MAGI2: variants seen among roughly 807,000 people sequenced by gnomAD.
MAGI2 encodes the protein membrane-associated guanylate kinase, WW and PDZ domain-containing protein 2.
A neutral mutation model predicts 133.3 loss-of-function variants in MAGI2; 35 were observed. The ratio of observed to expected loss-of-function variants is 0.26; its 90% CI spans 0.20 to 0.35. The LOEUF (loss-of-function observed/expected upper bound fraction) is 0.35. MAGI2 is among the 10% of genes least tolerant of loss of function. MAGI2 has a pLI of 1.00. For missense variants in MAGI2, 1,636 were observed against 1,863.4 expected (o/e 0.88, Z 2.25); for synonymous variants, 729 against 710.6 (o/e 1.03, Z -0.41).
intron 21 of MAGI2, among the ~76,000 whole-genome samples, chr7:78,069,049 A>G (rs1814160844): frequency 6.6e-6 from 1 of 152,158 alleles, no homozygotes; most frequent in Non-Finnish European, 1.5e-5. Flanking sequence ...TAATGAGGAG[A>G]GCTCAGATTG....
chr7:79,346,653 A>G (rs1301999521), intron 1 of MAGI2, among the ~76,000 whole-genome samples: 1 of 151,828 alleles, frequency 6.6e-6, no homozygotes, highest in Non-Finnish European at 1.5e-5. Flanking sequence ...TTCTGGTAGT[A>G]TATTTATCTT....
intron 2 of MAGI2, among the ~76,000 whole-genome samples, chr7:78,937,618 C>A (rs966959965): frequency 6.6e-6 from 1 of 152,014 alleles, no homozygotes; most frequent in Non-Finnish European, 1.5e-5. Flanking sequence ...AAGTAGAGAT[C>A]AATGCAACGA....
At chr7:78,404,551 A>G (rs1562950996) in intron 6 of MAGI2, among the ~76,000 whole-genome samples, 1 of 152,126 alleles carries the variant, frequency 6.6e-6, no homozygotes, top group Non-Finnish European at 1.5e-5. Flanking sequence ...CAAACCTGAC[A>G]AAAAGAAGAA....
At chr7:78,224,461 T>C (rs1377407398) in intron 10 of MAGI2, among the ~76,000 whole-genome samples, 1 of 151,738 alleles carries the variant, frequency 6.6e-6, no homozygotes, top group East Asian at 1.9e-4. Context: ...AGGTCAGGAG[T>C]TTGAGACTAG....
rs150533911 is a variant in MAGI2, at chr7:78,295,457, G to C, written c.1409-38876C>G. ...CTCATAACCTCTATTAAGTTTAAAA[G>C]AATCTCTCACATGACCTCTGAGGGT... is the stretch of plus-strand genomic sequence containing the variant. On this transcript the variant is annotated intron_variant, in intron 9 of 21. Coordinates refer to ENST00000354212, the MANE Select transcript of MAGI2 (RefSeq NM_012301.4). 6.3e-4 allele frequency among the ~76,000 whole-genome samples: 96 copies of C among 152,244 alleles called. 1 individual carries two copies. In the East Asian group the frequency reaches 0.017, roughly 27 times the overall value.
chr7:79,135,818 G>A (rs1305698890), intron 1 of MAGI2, among the ~76,000 whole-genome samples: 1 of 151,580 alleles, frequency 6.6e-6, no homozygotes, highest in African/African-American at 2.4e-5. Context: ...GCATACTCCT[G>A]TAGTCCCAAC....
At chr7:79,120,139 A>G (rs901363637) in intron 1 of MAGI2, among the ~76,000 whole-genome samples, 10 of 152,226 alleles carry the variant, frequency 6.6e-5, no homozygotes, top group African/African-American at 2.4e-4. Flanking sequence ...TGGAGAAGAT[A>G]TTTAACTTGT....
At chr7:78,937,256 A>G (rs1463544662) in intron 2 of MAGI2, among the ~76,000 whole-genome samples, 2 of 152,126 alleles carry the variant, frequency 1.3e-5, no homozygotes, top group African/African-American at 4.8e-5. Flanking sequence ...ATGAGTTATA[A>G]ACCATTGAAA....
chr7:79,321,335 CT>C (rs1839164221), intron 1 of MAGI2, among the ~76,000 whole-genome samples: 1 of 152,052 alleles, frequency 6.6e-6, no homozygotes, highest in Non-Finnish European at 1.5e-5. Context: ...AATTTATTAA[CT>C]TTTTTTAGTG....
At chr7:78,728,564 TTTTTTTTTTTTTTTTTTTTGA>T in intron 2 of MAGI2, among the ~76,000 whole-genome samples, 1 of 81,084 alleles carries the variant, frequency 1.2e-5, no homozygotes, top group African/African-American at 5.3e-5. Context: ...TTTTTTTTTT[TTTTTTTTTTTTTTTTTTTTGA>T]GACGGAGTCT....
intron 2 of MAGI2, among the ~76,000 whole-genome samples, chr7:78,804,158 C>G (rs1199184810): frequency 1.3e-5 from 2 of 152,152 alleles, no homozygotes; most frequent in Non-Finnish European, 2.9e-5. Context: ...CAGACAAGTA[C>G]TACGTTTTCC....
intron 9 of MAGI2, among the ~76,000 whole-genome samples, chr7:78,312,647 T>C (rs561833718): frequency 2.8e-4 from 42 of 152,170 alleles, no homozygotes; most frequent in African/African-American, 9.4e-4. Context: ...AATGCAAATG[T>C]TGGTGAAGAC....
chr7:78,757,305 T>TTCTCTCTCTC lies in MAGI2; in HGVS notation c.419-130076_419-130067dup, dbSNP rs3086250. ...TCCCTCCCTCCCTCCTTCTCCCTCC[T>TTCTCTCTCTC]TCTCTCTCTCTCTCTCTCTCTCCAT... is the stretch of plus-strand genomic sequence containing the variant. On this transcript the variant is annotated intron_variant, in intron 2 of 21. Coordinates refer to ENST00000354212, the MANE Select transcript of MAGI2 (RefSeq NM_012301.4). Among the ~76,000 whole-genome samples the TTCTCTCTCTC allele has an allele frequency of 8.6e-4, 125 of 145,386 alleles. 1 individual carries two copies. Among genetic ancestry groups the TTCTCTCTCTC allele is most frequent in the Admixed American group, 2.0e-3 (29 of 14,536 alleles).
At chr7:78,619,670 A>G (rs983611145) in intron 3 of MAGI2, among the ~76,000 whole-genome samples, 2 of 151,978 alleles carry the variant, frequency 1.3e-5, no homozygotes, top group African/African-American at 4.8e-5. Context: ...ATTGTACTTC[A>G]TTATAGAAGA....
intron 6 of MAGI2, among the ~76,000 whole-genome samples, chr7:78,437,211 G>A (rs748023318): frequency 2.0e-4 from 31 of 152,132 alleles, no homozygotes; most frequent in Non-Finnish European, 4.3e-4. Flanking sequence ...CATCATGGCT[G>A]CCATTCACAG....
intron 1 of MAGI2, among the ~76,000 whole-genome samples, chr7:79,031,897 T>C (rs985850277): frequency 8.5e-5 from 13 of 152,112 alleles, no homozygotes; most frequent in Non-Finnish European, 1.9e-4. Flanking sequence ...AATCATCAAA[T>C]AGAAAATAAG....
At chr7:78,450,076 A>T (rs186188047) in intron 6 of MAGI2, among the ~76,000 whole-genome samples, 162 of 151,714 alleles carry the variant, frequency 1.1e-3, no homozygotes, top group East Asian at 9.5e-3. Flanking sequence ...TTTTTTTTTT[A>T]AAATGTGAGA....
chr7:78,691,034 A>T (rs1816905991), intron 2 of MAGI2, among the ~76,000 whole-genome samples: 1 of 152,140 alleles, frequency 6.6e-6, no homozygotes, highest in East Asian at 1.9e-4. Context: ...TTTTTAATTC[A>T]TGAGCTCATA....
chr7:78,678,855 T>G (rs61617831), intron 2 of MAGI2, among the ~76,000 whole-genome samples: 17,931 of 152,158 alleles, frequency 0.12, 1,268 homozygotes, highest in African/African-American at 0.18. Flanking sequence ...TTTTTGAAAT[T>G]TATCTTTCTG....
Sources: gnomAD v4.1 joint callset for allele counts (sites outside exome capture counted in the v4.1 genomes callset) on GRCh38, gnomAD v4.1.1 for gene constraint, MANE v1.5 for transcripts, NCBI Gene and HGNC (gene_info 2026-07-23, HGNC 2026-07-21) for gene names.